KCNN2: variants seen among roughly 807,000 people sequenced by gnomAD.
The protein encoded by KCNN2 is potassium calcium-activated channel subfamily N member 2, also known as small conductance calcium-activated potassium channel protein 2.
Under a neutral mutation model 55.5 loss-of-function variants are expected in KCNN2, and 24 were observed. The ratio of observed to expected loss-of-function variants is 0.43; its 90% CI spans 0.31 to 0.61. The LOEUF (loss-of-function observed/expected upper bound fraction) is 0.61. Among genes scored for constraint, KCNN2 ranks in the 20% least tolerant of loss-of-function variants. KCNN2 has a pLI of 0.08. For synonymous variants in KCNN2, 431 were observed against 336.1 expected (o/e 1.28, Z -3.09); for missense variants, 754 against 853.6 (o/e 0.88, Z 1.45).
At chr5:114,281,357 T>C (rs1468603973) in intron 2 of KCNN2, among the ~76,000 whole-genome samples, 1 of 152,200 alleles carries the variant, frequency 6.6e-6, no homozygotes, top group East Asian at 1.9e-4. Flanking sequence ...TTGCCAAATG[T>C]CCCTCATGGA....
At chr5:114,074,374 T>A (rs1424871599) in intron 1 of KCNN2, among the ~76,000 whole-genome samples, 1 of 151,896 alleles carries the variant, frequency 6.6e-6, no homozygotes, top group Non-Finnish European at 1.5e-5. Flanking sequence ...TTAAGGTAGC[T>A]TGTTAAAATG....
chr5:114,336,983 A>G (rs944640461), intron 2 of KCNN2, among the ~76,000 whole-genome samples: 1 of 152,182 alleles, frequency 6.6e-6, no homozygotes, highest in African/African-American at 2.4e-5. Flanking sequence ...AAGCCATGGA[A>G]AGATTTTAAA....
intron 1 of KCNN2, among the ~76,000 whole-genome samples, chr5:114,100,533 G>A (rs1269672087): frequency 2.0e-5 from 3 of 151,916 alleles, no homozygotes; most frequent in South Asian, 2.1e-4. Context: ...AAGAGAGGAA[G>A]TATCCTCTTC....
chr5:114,159,914 C>G (rs1752728403), intron 1 of KCNN2, among the ~76,000 whole-genome samples: 2 of 152,030 alleles, frequency 1.3e-5, no homozygotes, highest in African/African-American at 4.8e-5. Context: ...ATTAGTCTTG[C>G]TAGTGGTCTA....
At chr5:114,278,567 T>G (rs1467160301) in intron 2 of KCNN2, among the ~76,000 whole-genome samples, 1 of 152,222 alleles carries the variant, frequency 6.6e-6, no homozygotes, top group Non-Finnish European at 1.5e-5. Flanking sequence ...TACTTAAGCC[T>G]CAGCAATGGC....
At chr5:114,308,262 A>C (rs1756328011) in intron 2 of KCNN2, among the ~76,000 whole-genome samples, 1 of 152,228 alleles carries the variant, frequency 6.6e-6, no homozygotes, top group African/African-American at 2.4e-5. Flanking sequence ...CCATTGTCAT[A>C]TCTTTGTACA....
rs1249982219 is a variant in KCNN2 at position 114,100,895 on chromosome 5, A to G, written c.-271+44395A>G. Among the ~76,000 whole-genome samples, 3 of 152,040 alleles carry G rather than the reference A, an allele frequency of 2.0e-5. No homozygotes were observed. The East Asian group carries it at 5.8e-4, about 29-fold the overall frequency. On this transcript the variant is annotated intron_variant, in intron 1 of 10. Transcript: ENST00000512097. ...TGGATTATAAAACATTTAGTTAAGA[A>G]GAATATAAGTCCATAGTTACATTAC...
intron 5 of KCNN2, among the ~76,000 whole-genome samples, chr5:114,474,920 T>C (rs1293246694): frequency 6.6e-6 from 1 of 151,972 alleles, no homozygotes; most frequent in East Asian, 1.9e-4. Context: ...GAATCACAAA[T>C]AAGAAAGCCA....
chr5:114,456,836 C>T (rs565356486), intron 3 of KCNN2, among the ~76,000 whole-genome samples: 3 of 152,098 alleles, frequency 2.0e-5, no homozygotes, highest in African/African-American at 7.2e-5. Context: ...AGAAGTAGAG[C>T]CTGAATAAGT....
chr5:114,257,371 T>A (rs1239388965), intron 2 of KCNN2, among the ~76,000 whole-genome samples: 3 of 146,842 alleles, frequency 2.0e-5, no homozygotes, highest in Non-Finnish European at 3.0e-5. Flanking sequence ...AATTTTAGGA[T>A]TTTTTTTTTA....
rs186266640 is a variant in KCNN2 at position 114,186,111 on chromosome 5, G to C, written c.-270-35369G>C. Among the ~76,000 whole-genome samples, 140 of 152,216 alleles carry C rather than the reference G, an allele frequency of 9.2e-4. 1 individual carries two copies. The South Asian group carries it at 0.015, about 16-fold the overall frequency. The stretch of plus-strand genomic sequence containing the variant: ...AAGTTTCTTTCCTCTTTCCTTAGAG[G>C]AATTGTGAAATGTGTGCAATCTTAA... On this transcript the variant is annotated intron_variant, in intron 1 of 10. Transcript: ENST00000512097.
chr5:114,283,079 G>A (rs1333039375), intron 2 of KCNN2, among the ~76,000 whole-genome samples: 2 of 152,100 alleles, frequency 1.3e-5, no homozygotes, highest in Admixed American at 1.3e-4. Flanking sequence ...CTGTTGAATA[G>A]GTACTGGTTT....
At chr5:114,195,352 C>G (rs1029428095) in intron 1 of KCNN2, among the ~76,000 whole-genome samples, 1 of 151,662 alleles carries the variant, frequency 6.6e-6, no homozygotes, top group Non-Finnish European at 1.5e-5. Flanking sequence ...TTTGGATTTT[C>G]TTTAATTTCT....
At chr5:114,339,933 G>A (rs1343065720) in intron 2 of KCNN2, among the ~76,000 whole-genome samples, 2 of 152,094 alleles carry the variant, frequency 1.3e-5, no homozygotes, top group African/African-American at 2.4e-5. Flanking sequence ...TTTCTTTTAG[G>A]AAGAGTAAAA....
At chr5:114,380,186 C>A (rs1758073887) in intron 2 of KCNN2, among the ~76,000 whole-genome samples, 2 of 152,058 alleles carry the variant, frequency 1.3e-5, no homozygotes, top group African/African-American at 4.8e-5. Flanking sequence ...GGACTCATCC[C>A]AAGGAACATG....
intron 2 of KCNN2, among the ~76,000 whole-genome samples, chr5:114,301,952 A>C (rs910471771): frequency 2.6e-5 from 4 of 152,202 alleles, no homozygotes; most frequent in Admixed American, 6.5e-5. Flanking sequence ...ATGAATTACT[A>C]TCCTTATTTT....
intron 2 of KCNN2, among the ~76,000 whole-genome samples, chr5:114,280,961 C>T (rs915456324): frequency 3.3e-5 from 5 of 152,192 alleles, no homozygotes; most frequent in Non-Finnish European, 4.4e-5. Context: ...AGCACACTAA[C>T]CCTTCTTTTG....
chr5:114,289,557 A>G (rs761067143), intron 2 of KCNN2, among the ~76,000 whole-genome samples: 6 of 151,760 alleles, frequency 4.0e-5, no homozygotes, highest in Non-Finnish European at 8.8e-5. Context: ...TTGTATTTTT[A>G]GTCTAAATGG....
At chr5:114,148,918 T>G (rs1752459867) in intron 1 of KCNN2, among the ~76,000 whole-genome samples, 1 of 151,858 alleles carries the variant, frequency 6.6e-6, no homozygotes, top group East Asian at 1.9e-4. Flanking sequence ...ATCACCAGAC[T>G]GAAAAGGAAG....
Sources: gnomAD v4.1 joint callset for allele counts (sites outside exome capture counted in the v4.1 genomes callset) on GRCh38, gnomAD v4.1.1 for gene constraint, MANE v1.5 for transcripts, NCBI Gene and HGNC (gene_info 2026-07-23, HGNC 2026-07-21) for gene names.